Variants in ZNF277 observed in about 807,000 individuals in gnomAD.
ZNF277 encodes nuclear receptor-interacting factor 4.
Under a neutral mutation model 60.7 loss-of-function variants are expected in ZNF277, and 55 were observed. That is an observed-to-expected ratio of 0.91 (90% confidence interval 0.73 to 1.13). The LOEUF is 1.13. Ranked by LOEUF, ZNF277 falls within the 50% of genes most tolerant of loss-of-function variation. The pLI is 0.00. For missense variants in ZNF277, 510 were observed against 523.0 expected, an observed-to-expected ratio of 0.98 and a Z score of 0.24; for synonymous variants, 178 against 179.3, an observed-to-expected ratio of 0.99 and a Z score of 0.06.
rs1352387121 is a variant in ZNF277, at chr7:112,336,004, T to G, written c.802-100T>G. 6 of 903,578 alleles carry G rather than the reference T, an allele frequency of 6.6e-6. No individual in the cohort carries two copies. The African/African-American group carries it at 6.8e-5, about 10-fold the overall frequency. 56.0% of individuals were successfully genotyped at this position (903,578 alleles called of 1,614,324 possible). A position where few individuals can be genotyped will look rare whatever the true frequency, so the allele number is the denominator to read the frequency against. ...TTCAAAACCATTTAAACATGGGTGG[T>G]TTTGTTTATTTTTTTGGTTTTGATT... On this transcript the variant is annotated intron_variant, in intron 7 of 11. Transcript: ENST00000361822.
At chr7:112,318,147 T>C (rs1792884718) in intron 4 of ZNF277, 35 bp from the exon 5 acceptor site, 44 of 1,561,696 alleles carry the variant, frequency 2.8e-5, no homozygotes, top group Non-Finnish European at 3.8e-5. Flanking sequence ...AATTGTGCAT[T>C]AAGATAATAC....
intron 4 of ZNF277, among the ~76,000 whole-genome samples, chr7:112,315,200 G>A (rs1792816965): frequency 6.6e-6 from 1 of 151,982 alleles, no homozygotes; most frequent in Admixed American, 6.6e-5. Flanking sequence ...GGAAGATATT[G>A]GAAGCTACTT....
intron 1 of ZNF277, among the ~76,000 whole-genome samples, chr7:112,209,621 C>G (rs1209367151): frequency 6.6e-6 from 1 of 152,106 alleles, no homozygotes; most frequent in Non-Finnish European, 1.5e-5. Context: ...TTTTTTATGT[C>G]ATTTTTATAA....
At chr7:112,234,232 C>T (rs1326570895) in intron 1 of ZNF277, among the ~76,000 whole-genome samples, 1 of 152,100 alleles carries the variant, frequency 6.6e-6, no homozygotes, top group Non-Finnish European at 1.5e-5. Flanking sequence ...TAAATATTGA[C>T]AAATGTTTTC....
intron 8 of ZNF277, among the ~76,000 whole-genome samples, chr7:112,336,738 C>T (rs10276727): frequency 0.091 from 13,824 of 151,900 alleles, 969 homozygotes; most frequent in African/African-American, 0.18. Context: ...GAGGTAAAGC[C>T]CAAAGGTAGA....
At chr7:112,207,482 G>A (rs1032054316) in intron 1 of ZNF277, among the ~76,000 whole-genome samples, 2 of 152,194 alleles carry the variant, frequency 1.3e-5, no homozygotes, top group African/African-American at 2.4e-5. Context: ...TGCACTCGTG[G>A]CTTCAAAGAA....
Position 112,266,359 on chromosome 7 carries a change from C to T in ZNF277, c.92-20514C>T, listed in dbSNP as rs375517183. On this transcript the variant is annotated intron_variant, in intron 1 of 11. Transcript: ENST00000361822. ...ACAGGGTTTCGCCATGTTGGCCTGG[C>T]TGGTCTCAAACTCCTGGCCTCAAGC... Among the ~76,000 whole-genome samples the T allele has an allele frequency of 3.3e-5, 5 of 152,176 alleles. No homozygotes were observed. The East Asian group carries it at 9.7e-4, about 29-fold the overall frequency.
chr7:112,238,406 G>T (rs1790858491), intron 1 of ZNF277, among the ~76,000 whole-genome samples: 1 of 152,188 alleles, frequency 6.6e-6, no homozygotes, highest in African/African-American at 2.4e-5. Context: ...TTTGGAACCT[G>T]AGTTCCAGCT....
In ZNF277 at chr7:112,287,031, A is replaced by G; in HGVS notation, c.250A>G (p.Lys84Glu). 1 of 1,614,048 alleles carries G rather than the reference A, an allele frequency of 6.2e-7. No homozygotes were observed. The highest frequency in any genetic ancestry group is 1.1e-5 in the South Asian group (1 of 91,072). ...KLLKHMIIEH[K>E]IVIADVKLVA... is the part of the protein sequence containing the mutation. ...TCTGAAGCACATGATTATTGAGCAT[A>G]AGATTGTCATAGCTGATGTCAAGTT... Residue 84 changes from lysine (K) to glutamate (E), a missense_variant, in exon 2 of 12, where the codon AAG becomes GAG. Lys to Glu is a moderately conservative substitution (Grantham distance 56). Coordinates refer to ENST00000361822, the MANE Select transcript of ZNF277 (RefSeq NM_021994.3).
intron 1 of ZNF277, among the ~76,000 whole-genome samples, chr7:112,270,385 C>A (rs1255997628): frequency 6.6e-6 from 1 of 152,004 alleles, no homozygotes; most frequent in Non-Finnish European, 1.5e-5. Flanking sequence ...TGAAAATGTC[C>A]CTATTTGCTA....
chr7:112,277,077 A>ATTTTTTTTTTT (rs59902516), intron 1 of ZNF277, among the ~76,000 whole-genome samples: 7 of 104,440 alleles, frequency 6.7e-5, no homozygotes, highest in African/African-American at 1.6e-4. Flanking sequence ...GAATCTGTTG[A>ATTTTTTTTTTT]TTTTTTTTTT....
chr7:112,286,502 C>T (rs1792066042), intron 1 of ZNF277, among the ~76,000 whole-genome samples: 1 of 152,186 alleles, frequency 6.6e-6, no homozygotes, highest in Non-Finnish European at 1.5e-5. Flanking sequence ...CCATAGGTCA[C>T]AATTGAGCCT....
Position 112,314,509 on chromosome 7 carries a change from G to A in ZNF277, c.466-3673G>A, listed in dbSNP as rs533131913. ...AGAAGACTTTTAAAAACCTAGGTTA[G>A]AGGCCAGGCGCAGAGGCTCCCACCT... On this transcript the variant is annotated intron_variant, in intron 4 of 11. Coordinates refer to ENST00000361822, the MANE Select transcript of ZNF277 (RefSeq NM_021994.3). 2.2e-4 allele frequency among the ~76,000 whole-genome samples: 33 copies of A among 152,200 alleles called. No individual in the cohort carries two copies. In the South Asian group the frequency reaches 6.6e-3, roughly 31 times the overall value.
Position 112,206,726 on chromosome 7 carries a change from T to A in ZNF277, c.10T>A (p.Ser4Thr), listed in dbSNP as rs1452503446. 1 of 1,613,262 alleles carries A rather than the reference T, an allele frequency of 6.2e-7. No homozygotes were observed. Among genetic ancestry groups the A allele is most frequent in the Admixed American group, 1.7e-5 (1 of 59,940 alleles). Residue 4 changes from serine (S) to threonine (T), a missense_variant, in exon 1 of 12, where the codon TCC becomes ACC. Physicochemically the swap from Ser to Thr is moderately conservative, Grantham distance 58. Transcript: ENST00000361822. ...TCTTTTCTGCCGGGTAATGGCTGCT[T>A]CCAAGACCCAGGGGGCTGTCGCCCG... MAA[S>T]KTQGAVARMQ...
At chr7:112,321,050 T>C (rs1792970575) in intron 5 of ZNF277, among the ~76,000 whole-genome samples, 1 of 149,938 alleles carries the variant, frequency 6.7e-6, no homozygotes, top group African/African-American at 2.5e-5. Flanking sequence ...GCCTCCCGAG[T>C]AGCTGGGACT....
chr7:112,310,491 G>GTT lies in ZNF277; in HGVS notation c.466-7690_466-7689insTT, dbSNP rs1281707077. Among the ~76,000 whole-genome samples the GTT allele has an allele frequency of 4.0e-5, 6 of 148,708 alleles. 1 individual carries two copies. Among genetic ancestry groups the GTT allele is most frequent in the African/African-American group, 1.0e-4 (4 of 38,698 alleles). On this transcript the variant is annotated intron_variant, in intron 4 of 11. Coordinates refer to ENST00000361822, the MANE Select transcript of ZNF277 (RefSeq NM_021994.3). ...AGAGAGAGAGAGAGTGTGTGTGTGT[G>GTT]TATGTATTTTATTTTTTATTTGCAA...
chr7:112,286,714 A>G (rs1563216050), intron 1 of ZNF277, among the ~76,000 whole-genome samples, 159 bp from the exon 2 acceptor site: 1 of 152,182 alleles, frequency 6.6e-6, no homozygotes, highest in African/African-American at 2.4e-5. Flanking sequence ...AAATGATAAT[A>G]AAGTATCCTA....
chr7:112,295,157 A>G (rs976667028), intron 2 of ZNF277, among the ~76,000 whole-genome samples: 1 of 152,184 alleles, frequency 6.6e-6, no homozygotes, highest in Non-Finnish European at 1.5e-5. Context: ...GCAGTTGCCA[A>G]TATAAATCTT....
chr7:112,215,887 T>C (rs930632029), intron 1 of ZNF277, among the ~76,000 whole-genome samples: 2 of 152,250 alleles, frequency 1.3e-5, no homozygotes, highest in South Asian at 2.1e-4. Context: ...TCTTCTGTTA[T>C]GTAATAAGCT....
Sources: allele counts gnomAD v4.1 joint callset (sites outside exome capture counted in the v4.1 genomes callset), GRCh38; gene constraint gnomAD v4.1.1; transcripts MANE v1.5; gene names NCBI Gene and HGNC (gene_info 2026-07-23, HGNC 2026-07-21).